Variants in TRA2A observed in about 807,000 individuals in gnomAD.
TRA2A encodes transformer-2 protein homolog alpha.
In TRA2A, 31 loss-of-function variants were observed where a neutral mutation model predicts 45.7. The observed-to-expected ratio is 0.68, with a 90% confidence interval of 0.51 to 0.92. The LOEUF (loss-of-function observed/expected upper bound fraction) is 0.92, where lower values mean the gene tolerates loss of function less well. Ranked by LOEUF, TRA2A falls within the 40% of genes least tolerant of loss-of-function variation. The pLI, the probability that TRA2A is intolerant of heterozygous loss-of-function variation, is 0.00. For missense variants in TRA2A, 304 were observed against 367.5 expected, an observed-to-expected ratio of 0.83 and a Z score of 1.41; for synonymous variants, 132 against 126.2, an observed-to-expected ratio of 1.05 and a Z score of -0.31.
intron 1 of TRA2A, 107 bp downstream of exon 1, chr7:23,531,682 G>A (rs1244779100): frequency 2.5e-6 from 3 of 1,219,838 alleles, no homozygotes; most frequent in Non-Finnish European, 2.4e-6. Flanking sequence ...TGGCTCCAGA[G>A]GTTGCTCCTC....
At position 23,516,458 on chromosome 7, in the gene TRA2A, G is replaced by A. The variant is rs1701311384; in HGVS notation, c.241C>T (p.Arg81Ter). The A allele has an allele frequency of 1.9e-6, 3 of 1,614,078 alleles. No homozygotes were observed. Among genetic ancestry groups the A allele is most frequent in the Non-Finnish European group, 2.5e-6 (3 of 1,179,900 alleles). ...SRSHSHSHRR[R>*]SRSRSYTPEY... ...GGTGTATATGATCTACTTCGAGATC[G>A]TCTCCTATGAGAGTGAGAGTGGGAT... is the stretch of plus-strand genomic sequence containing the variant. Residue 81 changes from arginine to a stop codon, truncating the protein, a stop_gained, in exon 3 of 8, where the codon CGA (arginine) becomes TGA (stop). Coordinates refer to ENST00000297071, the MANE Select transcript of TRA2A (RefSeq NM_013293.5). LOFTEE classifies it high-confidence loss of function.
In TRA2A at chr7:23,531,447, G is replaced by GCCT. The variant is rs1181502279; in HGVS notation, c.36+339_36+341dup. The GCCT allele has an allele frequency of 1.5e-4, 54 of 354,168 alleles. No individual in the cohort carries two copies. The East Asian group carries it at 2.8e-3, about 18-fold the overall frequency. 21.9% of individuals were successfully genotyped at this position (354,168 alleles called of 1,614,324 possible). On this transcript the variant is annotated intron_variant, in intron 1 of 7. Transcript: ENST00000297071. ...TCCGGACGGAGGGGAGCTCCCTGCC[G>GCCT]CCTCCTCCCGCCCAACCGCGACGGG...
chr7:23,514,190 C>T (rs1789755803), intron 3 of TRA2A, among the ~76,000 whole-genome samples: 1 of 151,778 alleles, frequency 6.6e-6, no homozygotes, highest in Admixed American at 6.6e-5. Flanking sequence ...GCTTCAGCCT[C>T]CCAAGTAGAC....
At chr7:23,511,295 C>G (rs7779489) in intron 4 of TRA2A, among the ~76,000 whole-genome samples, 57,899 of 142,358 alleles carry the variant, frequency 0.41, 11,814 homozygotes, top group African/African-American at 0.51. Flanking sequence ...GGCATGAACC[C>G]GGGAGGTAGA....
At chr7:23,521,408 A>G (rs942219796) in intron 2 of TRA2A, among the ~76,000 whole-genome samples, 1 of 152,192 alleles carries the variant, frequency 6.6e-6, no homozygotes, top group African/African-American at 2.4e-5. Flanking sequence ...GCAACTATCC[A>G]ATATATTAAT....
chr7:23,523,256 G>C (rs550906273), intron 1 of TRA2A, among the ~76,000 whole-genome samples: 1 of 152,150 alleles, frequency 6.6e-6, no homozygotes, highest in East Asian at 1.9e-4. Context: ...ACTCCCTTCA[G>C]TGACTATATT....
At chr7:23,527,431 G>T (rs1008299538) in intron 1 of TRA2A, among the ~76,000 whole-genome samples, 14 of 151,862 alleles carry the variant, frequency 9.2e-5, no homozygotes, top group African/African-American at 3.4e-4. Context: ...AAATTTGTGA[G>T]GACATATGAA....
intron 2 of TRA2A, among the ~76,000 whole-genome samples, chr7:23,517,503 A>AAAAAAAAAAAAAAAAAAAAAAAAAG (rs764849438): frequency 1.9e-4 from 22 of 116,244 alleles, no homozygotes; most frequent in East Asian, 3.3e-4. Flanking sequence ...AAAAAAAAAA[A>AAAAAAAAAAAAAAAAAAAAAAAAAG]AGAGAGAAAG....
intron 1 of TRA2A, among the ~76,000 whole-genome samples, chr7:23,529,264 C>T (rs959483005): frequency 4.6e-5 from 7 of 152,302 alleles, no homozygotes; most frequent in African/African-American, 1.2e-4. Flanking sequence ...CTTAAAATTG[C>T]TTTTATGGAC....
chr7:23,517,366 C>T (rs140950228), intron 2 of TRA2A, among the ~76,000 whole-genome samples: 16,666 of 149,584 alleles, frequency 0.11, 983 homozygotes, highest in Middle Eastern at 0.15. Flanking sequence ...GTAGTCCCAG[C>T]TACTTGGGAG....
At chr7:23,530,962 A>G (rs1202623579) in intron 1 of TRA2A, among the ~76,000 whole-genome samples, 8 of 152,100 alleles carry the variant, frequency 5.3e-5, no homozygotes, top group African/African-American at 1.9e-4. Flanking sequence ...TTTTTAGATG[A>G]AAGGTCATAG....
In TRA2A at chr7:23,505,781, T is replaced by C. The variant is rs961734500; in HGVS notation, c.803A>G (p.Tyr268Cys). 2.2e-5 allele frequency: 35 copies of C among 1,565,316 alleles called. No homozygotes were observed. Among genetic ancestry groups the C allele is most frequent in the Non-Finnish European group, 3.0e-5 (35 of 1,161,410 alleles). ...GGAACGAGATCTTGATCGTGATCTA[T>C]ATCGACTATAATAAGGAGAAGGTGA... ...RRSPSPYYSR[Y>C]RSRSRSRSYS... Residue 268 changes from tyrosine to cysteine, a missense_variant, in exon 7 of 8, where the codon TAT (tyrosine) becomes TGT (cysteine). This residue lies in a region of TRA2A where 42 missense variants were observed against 37.0 expected (regional missense o/e 1.14). Transcript: ENST00000297071.
chr7:23,529,638 C>G (rs1330938228), intron 1 of TRA2A, among the ~76,000 whole-genome samples: 7 of 152,098 alleles, frequency 4.6e-5, no homozygotes, highest in Non-Finnish European at 1.0e-4. Flanking sequence ...CAAATAAAGA[C>G]AATTATCTCA....
intron 1 of TRA2A, among the ~76,000 whole-genome samples, chr7:23,530,553 T>C (rs1435927496): frequency 1.3e-5 from 2 of 152,234 alleles, no homozygotes; most frequent in Non-Finnish European, 2.9e-5. Context: ...ACGTGTTGCA[T>C]GGGGCTTTTG....
intron 3 of TRA2A, among the ~76,000 whole-genome samples, chr7:23,513,290 G>C (rs912375080): frequency 6.6e-6 from 1 of 152,108 alleles, no homozygotes; most frequent in Non-Finnish European, 1.5e-5. Flanking sequence ...TATGCTTTCT[G>C]TCTATAGCCT....
At chr7:23,527,945 G>T (rs982574586) in intron 1 of TRA2A, among the ~76,000 whole-genome samples, 4 of 152,060 alleles carry the variant, frequency 2.6e-5, no homozygotes, top group Admixed American at 2.6e-4. Context: ...TTAAATGGAA[G>T]GGGAGAGGAG....
At chr7:23,506,594 C>G (rs1332317452) in intron 5 of TRA2A, 1 of 285,594 alleles carries the variant, frequency 3.5e-6, no homozygotes, top group Non-Finnish European at 6.4e-6. Flanking sequence ...TGCATTCCTA[C>G]TGCTAAATGA....
intron 2 of TRA2A, among the ~76,000 whole-genome samples, chr7:23,516,825 C>T (rs370310924): frequency 2.6e-5 from 4 of 151,926 alleles, no homozygotes; most frequent in African/African-American, 9.7e-5. Context: ...AAAATAAAAT[C>T]GTGGCCGGGT....
chr7:23,522,459 A>G, intron 1 of TRA2A: 1 of 1,139,846 alleles, frequency 8.8e-7, no homozygotes, highest in Non-Finnish European at 1.1e-6. Flanking sequence ...CATTTAGTAT[A>G]TTTAAGCACG....
Sources: gnomAD v4.1 joint callset for allele counts (sites outside exome capture counted in the v4.1 genomes callset) on GRCh38, gnomAD v4.1.1 for gene constraint, gnomAD v4.1.1 regional missense constraint, MANE v1.5 for transcripts, NCBI Gene and HGNC (gene_info 2026-07-23, HGNC 2026-07-21) for gene names.